Variants in TJP1 observed in about 807,000 individuals in gnomAD.
The protein encoded by TJP1 is tight junction protein ZO-1.
TJP1 carries 43 observed loss-of-function variants against 194.2 expected under a neutral mutation model. The ratio of observed to expected loss-of-function variants is 0.22; its 90% CI spans 0.17 to 0.29. The LOEUF is 0.29. Ranked by LOEUF, TJP1 falls within the 10% of genes least tolerant of loss-of-function variation. TJP1 has a pLI of 1.00. For missense variants in TJP1, 1,971 were observed against 2,185.7 expected, an observed-to-expected ratio of 0.90 and a Z score of 1.96; for synonymous variants, 801 against 779.0, an observed-to-expected ratio of 1.03 and a Z score of -0.47.
At chr15:29,909,340 A>C (rs1309140862) in intron 2 of TJP1, among the ~76,000 whole-genome samples, 1 of 53,832 alleles carries the variant, frequency 1.9e-5, no homozygotes, top group African/African-American at 9.4e-5. Context: ...TTCATCTCCA[A>C]AAAAAAAAAA....
chr15:29,726,656 C>A, intron 17 of TJP1, 125 bp downstream of exon 17: 2 of 1,165,836 alleles, frequency 1.7e-6, no homozygotes, highest in Admixed American at 4.7e-5. Flanking sequence ...CAGGTGTTAA[C>A]ACAACAGGAA....
intron 2 of TJP1, among the ~76,000 whole-genome samples, chr15:29,842,895 T>C (rs1205415171): frequency 6.6e-6 from 1 of 152,210 alleles, no homozygotes; most frequent in Admixed American, 6.5e-5. Context: ...AGTTGCATAA[T>C]GGTCTTGGCT....
intron 9 of TJP1, 97 bp downstream of exon 9, chr15:29,742,545 G>T (rs16955726): frequency 7.7e-5 from 104 of 1,346,702 alleles, no homozygotes; most frequent in African/African-American, 2.5e-4. Flanking sequence ...CACATGAGAA[G>T]AATAATAATT....
chr15:29,716,696 CAGG>C lies in TJP1; in HGVS notation c.4114_4116del (p.Pro1372del), dbSNP rs1566878901. On this transcript the variant is annotated inframe_deletion, in exon 23 of 28. Transcript: ENST00000614355. ...GAGAGATGGCTGGCGGCAATGTGTGCAGGAGGCTTATTCTCAAAACTTCTTCGG... is the reference window on the plus strand; with the variant it reads ...GAGAGATGGCTGGCGGCAATGTGTGCAGGCTTATTCTCAAAACTTCTTCGG... The C allele has an allele frequency of 1.2e-6, 2 of 1,614,082 alleles. No individual in the cohort carries two copies.
At chr15:29,709,753 G>A (rs8032815) in intron 24 of TJP1, among the ~76,000 whole-genome samples, 152,144 of 152,322 alleles carry the variant, frequency 1, 75,983 homozygotes, top group Non-Finnish European at 1. Flanking sequence ...TAAAACATGA[G>A]GTCCTTCCTC....
intron 2 of TJP1, among the ~76,000 whole-genome samples, chr15:29,890,469 T>C (rs972301646): frequency 3.9e-5 from 6 of 152,144 alleles, no homozygotes; most frequent in Non-Finnish European, 8.8e-5. Flanking sequence ...ATTACATATG[T>C]TTCTGTGCAG....
intron 2 of TJP1, among the ~76,000 whole-genome samples, chr15:29,858,213 C>A (rs1295476850): frequency 6.6e-6 from 1 of 152,026 alleles, no homozygotes; most frequent in South Asian, 2.1e-4. Flanking sequence ...CCAACCTGGG[C>A]AACATGTCGA....
At chr15:29,853,061 A>G (rs1445259914) in intron 2 of TJP1, among the ~76,000 whole-genome samples, 2 of 152,234 alleles carry the variant, frequency 1.3e-5, no homozygotes, top group Non-Finnish European at 2.9e-5. Flanking sequence ...ATATTACTCA[A>G]TAATAAAAAG....
At chr15:29,795,491 G>A (rs1373012443) in intron 2 of TJP1, among the ~76,000 whole-genome samples, 2 of 150,778 alleles carry the variant, frequency 1.3e-5, no homozygotes, top group Admixed American at 1.3e-4. Context: ...TACATAACCT[G>A]AATATTCCTA....
At chr15:29,804,340 A>C (rs1222793088) in intron 1 of TJP1, among the ~76,000 whole-genome samples, 1 of 152,228 alleles carries the variant, frequency 6.6e-6, no homozygotes, top group Admixed American at 6.5e-5. Flanking sequence ...TCATAATAAA[A>C]TGCTGAGGAA....
chr15:29,761,035 T>A, intron 8 of TJP1, 104 bp downstream of exon 8: 3 of 1,313,914 alleles, frequency 2.3e-6, no homozygotes, highest in East Asian at 2.6e-5. Context: ...TAATCTTGAA[T>A]AATCAAAAGA....
chr15:29,707,122 G>T (rs1455698906), intron 25 of TJP1, among the ~76,000 whole-genome samples: 2 of 152,034 alleles, frequency 1.3e-5, no homozygotes, highest in Non-Finnish European at 2.9e-5. Context: ...GGCTTCCAAG[G>T]TTCCATGAGG....
chr15:29,949,324 CACT>C (rs2055443168), intron 2 of TJP1, among the ~76,000 whole-genome samples: 2 of 130,496 alleles, frequency 1.5e-5, no homozygotes, highest in South Asian at 2.5e-4. Context: ...CTTTCACCAC[CACT>C]ACCTCCACCA....
chr15:29,830,385 G>C (rs975569088), intron 2 of TJP1, among the ~76,000 whole-genome samples: 5 of 149,758 alleles, frequency 3.3e-5, no homozygotes, highest in Admixed American at 2.0e-4. Flanking sequence ...ATATATATTA[G>C]TACATTTTAC....
intron 17 of TJP1, 51 bp from the exon 18 acceptor site, chr15:29,726,530 C>A: frequency 1.3e-6 from 2 of 1,543,944 alleles, no homozygotes; most frequent in South Asian, 2.3e-5. Flanking sequence ...TGCCAAAAGT[C>A]AGAATTAATT....
chr15:29,810,951 G>A (rs920317670), intron 1 of TJP1, among the ~76,000 whole-genome samples: 1 of 152,156 alleles, frequency 6.6e-6, no homozygotes, highest in Non-Finnish European at 1.5e-5. Context: ...TTCTCAAGGA[G>A]CTTACAGTCT....
At chr15:29,870,770 A>G (rs531622653) in intron 2 of TJP1, among the ~76,000 whole-genome samples, 7 of 152,228 alleles carry the variant, frequency 4.6e-5, no homozygotes, top group Non-Finnish European at 1.0e-4. Context: ...CTGTGCTCCC[A>G]GGAGCCTGCT....
intron 2 of TJP1, among the ~76,000 whole-genome samples, chr15:29,910,874 G>A (rs2053990095): frequency 6.6e-6 from 1 of 152,186 alleles, no homozygotes; most frequent in Non-Finnish European, 1.5e-5. Flanking sequence ...ATTATCTGAG[G>A]TGGAATTAAA....
At chr15:29,948,759 T>C (rs2055373816) in intron 2 of TJP1, among the ~76,000 whole-genome samples, 1 of 152,088 alleles carries the variant, frequency 6.6e-6, no homozygotes, top group Admixed American at 6.5e-5. Flanking sequence ...TTCTAGTATA[T>C]AACTTAATAT....
Sources: allele counts gnomAD v4.1 joint callset (sites outside exome capture counted in the v4.1 genomes callset), GRCh38; gene constraint gnomAD v4.1.1; transcripts MANE v1.5; gene names NCBI Gene and HGNC (gene_info 2026-07-23, HGNC 2026-07-21).